Variants in MORF4L1 observed in about 807,000 individuals in gnomAD.
MORF4L1 encodes mortality factor 4 like 1.
MORF4L1 carries 4 observed loss-of-function variants against 52.9 expected under a neutral mutation model. The observed-to-expected ratio is 0.08, with a 90% CI of 0.04 to 0.17. The LOEUF (loss-of-function observed/expected upper bound fraction) is 0.17, where lower values mean the gene tolerates loss of function less well. Ranked by LOEUF, MORF4L1 falls within the 10% of genes least tolerant of loss-of-function variation. The pLI is 1.00. For synonymous variants in MORF4L1, 123 were observed against 134.8 expected (o/e 0.91, Z 0.61); for missense variants, 214 against 390.4 (o/e 0.55, Z 3.81).
In MORF4L1 at chr15:78,872,951, G is replaced by C. The variant is rs1301585059; in HGVS notation, c.-67G>C. 2.0e-6 allele frequency: 3 copies of C among 1,534,646 alleles called. No homozygotes were observed. The highest frequency in any genetic ancestry group is 2.8e-5 in the African/African-American group (2 of 71,906). The stretch of plus-strand genomic sequence containing the variant: ...CGGCGCGTCTGACGCGGAGTTGGGT[G>C]GGGTAGAGAGTAGGGGGCGGTAGTC... On this transcript the variant is annotated 5_prime_UTR_variant, in exon 1 of 12. Coordinates refer to ENST00000426013, the MANE Select transcript of MORF4L1 (RefSeq NM_006791.4).
chr15:78,878,913 TATA>T (rs1293753022), intron 2 of MORF4L1, among the ~76,000 whole-genome samples: 2 of 152,142 alleles, frequency 1.3e-5, no homozygotes, highest in Non-Finnish European at 2.9e-5. Flanking sequence ...TACAAAACAG[TATA>T]ATGTTTAATT....
At chr15:78,882,698 G>T (rs1052367904) in intron 3 of MORF4L1, among the ~76,000 whole-genome samples, 2 of 151,918 alleles carry the variant, frequency 1.3e-5, no homozygotes, top group African/African-American at 4.8e-5. Flanking sequence ...ACTATGAGTG[G>T]GAAAGACCAT....
chr15:78,873,142 G>C, intron 1 of MORF4L1, 85 bp downstream of exon 1: 1 of 1,543,780 alleles, frequency 6.5e-7, no homozygotes. Context: ...GAGGGCCGGG[G>C]GCGGCGCGGG....
intron 5 of MORF4L1, among the ~76,000 whole-genome samples, chr15:78,889,381 C>T (rs1433515894): frequency 2.6e-5 from 4 of 152,184 alleles, no homozygotes; most frequent in Non-Finnish European, 5.9e-5. Flanking sequence ...TTATACTTAC[C>T]TGTTGAACAT....
chr15:78,893,993 T>A, intron 9 of MORF4L1, 65 bp from the exon 10 acceptor site: 1 of 1,427,126 alleles, frequency 7.0e-7, no homozygotes, highest in South Asian at 1.3e-5. Flanking sequence ...TTAAATTGGT[T>A]GAATTATTCT....
rs749985884 is a variant in MORF4L1, at chr15:78,898,093, C to T, written c.*1026C>T. 2 of 152,050 alleles carry T rather than the reference C, an allele frequency of 1.3e-5. No individual in the cohort carries two copies. The highest frequency in any genetic ancestry group is 2.9e-5 in the Non-Finnish European group (2 of 68,028). 9.4% of individuals were successfully genotyped at this position (152,050 alleles called of 1,614,324 possible). A position where few individuals can be genotyped will look rare whatever the true frequency, so the allele number is the denominator to read the frequency against. ...CTCTAGAAACATGAGCCAAAAATGT[C>T]AATAGACAACACAGTATTAAAATAA... is the stretch of plus-strand genomic sequence containing the variant. On this transcript the variant is annotated 3_prime_UTR_variant, in exon 12 of 12. Coordinates refer to ENST00000426013, the MANE Select transcript of MORF4L1 (RefSeq NM_006791.4).
At chr15:78,896,119 C>T (rs1166700052) in intron 11 of MORF4L1, among the ~76,000 whole-genome samples, 2 of 151,954 alleles carry the variant, frequency 1.3e-5, no homozygotes, top group Middle Eastern at 3.2e-3. Context: ...GCTGGGATTA[C>T]AGGTGCACAC....
Position 78,892,222 on chromosome 15 carries a change from T to C in MORF4L1, c.449T>C (p.Phe150Ser). 1 of 1,611,630 alleles carries C rather than the reference T, an allele frequency of 6.2e-7. No individual in the cohort carries two copies. Among genetic ancestry groups the C allele is most frequent in the Admixed American group, 1.7e-5 (1 of 59,914 alleles). Residue 150 changes from phenylalanine (F) to serine (S), a missense_variant, in exon 8 of 12, where the codon TTC becomes TCC. Physicochemically the swap from Phe to Ser is radical, Grantham distance 155 (BLOSUM62 -2). Transcript: ENST00000426013. ...CCTGTTTCTGTTTAGGAGGAAACAT[T>C]CATGAACAGAGTTGAAGTTAAAGTA... ...VDPTVENEET[F>S]MNRVEVKVKI...
chr15:78,890,919 G>C (rs1490194640), intron 5 of MORF4L1, 70 bp from the exon 6 acceptor site: 1 of 1,258,558 alleles, frequency 7.9e-7, no homozygotes, highest in Non-Finnish European at 1.0e-6. Flanking sequence ...ACTTAACCCT[G>C]ATAAAGGGAG....
intron 2 of MORF4L1, among the ~76,000 whole-genome samples, chr15:78,880,199 A>G (rs2056575801): frequency 6.6e-6 from 1 of 152,252 alleles, no homozygotes; most frequent in African/African-American, 2.4e-5. Context: ...TTGCTTTTGA[A>G]ATAAATATAG....
intron 11 of MORF4L1, among the ~76,000 whole-genome samples, chr15:78,895,326 A>G (rs2056869209): frequency 6.6e-6 from 1 of 152,248 alleles, no homozygotes. Context: ...TTCGGTAAGA[A>G]ATGAACAAAC....
At position 78,892,323 on chromosome 15, in the gene MORF4L1, A is replaced by G. The variant is rs1596250932; in HGVS notation, c.540+10A>G. On this transcript the variant is annotated intron_variant, in intron 8 of 11. Transcript: ENST00000426013. ...TACCAGGCAAAAACAGGTAACTTGA[A>G]AAGCTACCCAGATTGTTAAGCTATA... 1.9e-6 allele frequency: 3 copies of G among 1,587,340 alleles called. No homozygotes were observed. Among genetic ancestry groups the G allele is most frequent in the Non-Finnish European group, 2.6e-6 (3 of 1,155,984 alleles).
chr15:78,892,508 A>C (rs1052512658), intron 8 of MORF4L1, 195 bp downstream of exon 8: 4 of 463,660 alleles, frequency 8.6e-6, no homozygotes, highest in African/African-American at 6.0e-5. Flanking sequence ...TTCACATATA[A>C]ATTTTATGAG....
intron 5 of MORF4L1, among the ~76,000 whole-genome samples, chr15:78,888,016 A>G (rs1017156646): frequency 3.3e-5 from 5 of 152,168 alleles, no homozygotes; most frequent in Admixed American, 6.5e-5. Context: ...CAGGTGATCC[A>G]CCTGCCTTGG....
intron 2 of MORF4L1, among the ~76,000 whole-genome samples, chr15:78,879,696 G>C (rs774847580): frequency 2.6e-5 from 4 of 151,892 alleles, no homozygotes; most frequent in Non-Finnish European, 5.9e-5. Flanking sequence ...CCAGGGCTTT[G>C]GGGAGCCAAA....
At position 78,878,208 on chromosome 15, in the gene MORF4L1, T is replaced by C; in HGVS notation, c.41-5T>C. The C allele has an allele frequency of 1.2e-6, 2 of 1,611,288 alleles. No individual in the cohort carries two copies. Among genetic ancestry groups the C allele is most frequent in the Non-Finnish European group, 1.7e-6 (2 of 1,179,174 alleles). ...TACAATTCAGTACTTTTTCTCCCTT[T>C]ACAGGTGAGCGAGTGCTGTGCTTTC... On this transcript the variant is annotated splice_region_variant and splice_polypyrimidine_tract_variant and intron_variant, in intron 1 of 11. Transcript: ENST00000426013.
In MORF4L1 at chr15:78,897,236, T is replaced by TTA; in HGVS notation, c.*170_*171insAT. On this transcript the variant is annotated 3_prime_UTR_variant, in exon 12 of 12. Coordinates refer to ENST00000426013, the MANE Select transcript of MORF4L1 (RefSeq NM_006791.4). Reference sequence around the variant, plus strand: ...ATAAAAGGGGGTAATAGCTCCTTTTTTCTTCTTTCTTTTTTTTTTTCATTT... The same window carrying TTA: ...ATAAAAGGGGGTAATAGCTCCTTTTTTATCTTCTTTCTTTTTTTTTTTCATTT... 1 of 510,958 alleles carries TTA rather than the reference T, an allele frequency of 2.0e-6. No homozygotes were observed. Among genetic ancestry groups the TTA allele is most frequent in the Non-Finnish European group, 3.5e-6 (1 of 286,424 alleles). The allele number at this position is 510,958 out of a possible 1,614,324, so 31.7% of individuals were successfully genotyped here. A position where few individuals can be genotyped will look rare whatever the true frequency, so the allele number is the denominator to read the frequency against.
Position 78,893,547 on chromosome 15 carries a change from T to C in MORF4L1, c.549T>C (p.Tyr183=). Residue 183 remains tyrosine (Y), a synonymous_variant, in exon 9 of 12, where the codon TAT becomes TAC. Transcript: ENST00000426013. ...DLITRQKQLF[Y]LPAKKNVDSI... ...TATTTTTGTCTTCATAGCTCTTTTA[T>C]CTTCCTGCCAAGAAGAATGTGGATT... 6.2e-7 allele frequency: 1 copy of C among 1,604,282 alleles called. No homozygotes were observed. Among genetic ancestry groups the C allele is most frequent in the Non-Finnish European group, 8.5e-7 (1 of 1,172,478 alleles).
At position 78,897,944 on chromosome 15, in the gene MORF4L1, A is replaced by G. The variant is rs1046883931; in HGVS notation, c.*877A>G. The G allele has an allele frequency of 1.1e-4, 16 of 152,196 alleles. No homozygotes were observed. Among genetic ancestry groups the G allele is most frequent in the Non-Finnish European group, 1.6e-4 (11 of 68,038 alleles). The allele number at this position is 152,196 out of a possible 1,614,324, so 9.4% of individuals were successfully genotyped here. A position where few individuals can be genotyped will look rare whatever the true frequency, so the allele number is the denominator to read the frequency against. On this transcript the variant is annotated 3_prime_UTR_variant, in exon 12 of 12. Coordinates refer to ENST00000426013, the MANE Select transcript of MORF4L1 (RefSeq NM_006791.4). ...CTTAGCTAAAAAGTTAGAAGTTTAC[A>G]TGACTGTTTTTTTTATTTTCCCTAA...
Sources: allele counts gnomAD v4.1 joint callset (sites outside exome capture counted in the v4.1 genomes callset), GRCh38; gene constraint gnomAD v4.1.1; transcripts MANE v1.5; gene names NCBI Gene and HGNC (gene_info 2026-07-23, HGNC 2026-07-21).